FOXP2: variants seen among roughly 807,000 people sequenced by gnomAD.
FOXP2 encodes forkhead box P2, also known as forkhead box protein P2.
Under a neutral mutation model 115.8 loss-of-function variants are expected in FOXP2, and 12 were observed. The ratio of observed to expected loss-of-function variants is 0.10; its 90% CI spans 0.07 to 0.17. The LOEUF is 0.17. Among genes scored for constraint, FOXP2 ranks in the 10% least tolerant of loss-of-function variants. The probability of loss-of-function intolerance (pLI) is 1.00; values close to 1 mark genes in which losing one functional copy is unlikely to be tolerated. For missense variants in FOXP2, 629 were observed against 843.5 expected (o/e 0.75, Z 3.15); for synonymous variants, 328 against 297.7 (o/e 1.10, Z -1.05).
intron 1 of FOXP2, among the ~76,000 whole-genome samples, chr7:114,286,811 G>A (rs1028521046): frequency 2.6e-5 from 4 of 152,004 alleles, no homozygotes; most frequent in Non-Finnish European, 5.9e-5. Context: ...AAGTACCCAA[G>A]GAAAGGAGTA....
At chr7:114,170,917 T>C (rs1083154) in intron 1 of FOXP2, among the ~76,000 whole-genome samples, 131,412 of 152,278 alleles carry the variant, frequency 0.86, 57,132 homozygotes, top group Non-Finnish European at 0.92. Context: ...CTACATTAAA[T>C]AACAGATTTT....
chr7:114,627,815 G>T (rs1349472325), intron 3 of FOXP2, among the ~76,000 whole-genome samples: 1 of 152,008 alleles, frequency 6.6e-6, no homozygotes, highest in East Asian at 1.9e-4. Flanking sequence ...CCTATTATAA[G>T]CTCAGTTGCT....
At chr7:114,538,055 A>G (rs1238846150) in intron 3 of FOXP2, among the ~76,000 whole-genome samples, 2 of 151,652 alleles carry the variant, frequency 1.3e-5, no homozygotes, top group Non-Finnish European at 3.0e-5. Context: ...GTTCATAGTG[A>G]TCCATAATGA....
intron 3 of FOXP2, chr7:114,570,915 C>G (rs1563006523): frequency 6.3e-7 from 1 of 1,587,680 alleles, no homozygotes. Context: ...AATTCAGCTA[C>G]TAGGCACAAG....
At chr7:114,286,544 A>AT (rs1796471777) in intron 1 of FOXP2, among the ~76,000 whole-genome samples, 2 of 152,058 alleles carry the variant, frequency 1.3e-5, no homozygotes, top group African/African-American at 4.8e-5. Context: ...TTGGTGGCAT[A>AT]TATTAGGCAG....
chr7:114,490,825 G>C (rs968754602), intron 2 of FOXP2, among the ~76,000 whole-genome samples: 3 of 152,140 alleles, frequency 2.0e-5, no homozygotes, highest in Non-Finnish European at 4.4e-5. Context: ...TCCCTACAAA[G>C]GACATGAACT....
intron 2 of FOXP2, among the ~76,000 whole-genome samples, chr7:114,355,466 A>G (rs1301117174): frequency 6.6e-6 from 1 of 152,208 alleles, no homozygotes; most frequent in East Asian, 1.9e-4. Flanking sequence ...TCACTTAAAA[A>G]TAATGCACTT....
chr7:114,658,004 C>G, intron 10 of FOXP2, 62 bp from the exon 11 acceptor site: 1 of 1,589,264 alleles, frequency 6.3e-7, no homozygotes, highest in South Asian at 1.1e-5. Flanking sequence ...ATTTGTCAAA[C>G]CTTTTTAAGT....
At position 114,690,951 on chromosome 7, in the gene FOXP2, A is replaced by C; in HGVS notation, c.*1025A>C. 1 of 454,522 alleles carries C rather than the reference A, an allele frequency of 2.2e-6. No individual in the cohort carries two copies. Among genetic ancestry groups the C allele is most frequent in the Non-Finnish European group, 4.4e-6 (1 of 226,772 alleles). The allele number at this position is 454,522 out of a possible 1,614,324, so 28.2% of individuals were successfully genotyped here. The stretch of plus-strand genomic sequence containing the variant: ...AACCACAACTAAAAAATGTTAATTC[A>C]GTCACAGAGTAATCTTCTGAGGCCA... On this transcript the variant is annotated 3_prime_UTR_variant, in exon 17 of 17. Coordinates refer to ENST00000350908, the MANE Select transcript of FOXP2 (RefSeq NM_014491.4).
chr7:114,194,247 T>C (rs1793841640), intron 1 of FOXP2, among the ~76,000 whole-genome samples: 1 of 152,106 alleles, frequency 6.6e-6, no homozygotes, highest in African/African-American at 2.4e-5. Flanking sequence ...GTTATTCCTT[T>C]GTGATCACTG....
At chr7:114,443,865 T>TA (rs1706795335) in intron 2 of FOXP2, among the ~76,000 whole-genome samples, 1 of 152,190 alleles carries the variant, frequency 6.6e-6, no homozygotes, top group African/African-American at 2.4e-5. Flanking sequence ...CTATTCTGAA[T>TA]GGTGCTGAGA....
At chr7:114,660,693 G>A (rs1169227288) in intron 13 of FOXP2, among the ~76,000 whole-genome samples, 1 of 152,102 alleles carries the variant, frequency 6.6e-6, no homozygotes, top group African/African-American at 2.4e-5. Context: ...TGATGAAAAT[G>A]TCAGCAATAA....
intron 3 of FOXP2, among the ~76,000 whole-genome samples, chr7:114,552,114 C>T (rs187886040): frequency 6.6e-6 from 1 of 152,306 alleles, no homozygotes; most frequent in African/African-American, 2.4e-5. Flanking sequence ...GAGGGATCAT[C>T]AAGCCAGGCT....
intron 2 of FOXP2, among the ~76,000 whole-genome samples, chr7:114,361,570 G>C (rs1309180543): frequency 6.6e-6 from 1 of 151,936 alleles, no homozygotes; most frequent in Non-Finnish European, 1.5e-5. Flanking sequence ...GGGGCAAAAA[G>C]TTTTATGAGC....
rs1175739878 is a variant in FOXP2 at position 114,693,036 on chromosome 7, C to T, written c.*3110C>T. On this transcript the variant is annotated 3_prime_UTR_variant, in exon 17 of 17. Coordinates refer to ENST00000350908, the MANE Select transcript of FOXP2 (RefSeq NM_014491.4). Reference sequence around the variant, plus strand: ...TCTACCTCTAACACCAGGGAGTTATCAGATTTTATTTTACATAGTTTTAGT... The same window carrying T: ...TCTACCTCTAACACCAGGGAGTTATTAGATTTTATTTTACATAGTTTTAGT... 1 of 453,726 alleles carries T rather than the reference C, an allele frequency of 2.2e-6. No individual in the cohort carries two copies. Among genetic ancestry groups the T allele is most frequent in the Non-Finnish European group, 4.4e-6 (1 of 226,648 alleles). The allele number at this position is 453,726 out of a possible 1,614,324, so 28.1% of individuals were successfully genotyped here.
intron 3 of FOXP2, among the ~76,000 whole-genome samples, chr7:114,578,548 T>A (rs1214989176): frequency 6.6e-6 from 1 of 152,136 alleles, no homozygotes; most frequent in Non-Finnish European, 1.5e-5. Flanking sequence ...TCTTGACTCA[T>A]GGTTCATATG....
At chr7:114,382,093 T>C (rs1446229112) in intron 2 of FOXP2, among the ~76,000 whole-genome samples, 1 of 152,146 alleles carries the variant, frequency 6.6e-6, no homozygotes, top group East Asian at 1.9e-4. Context: ...GAAAAGCATG[T>C]GGAAGAGTAA....
In FOXP2 at chr7:114,691,621, C is replaced by T. The variant is rs1188543388; in HGVS notation, c.*1695C>T. 4.4e-6 allele frequency: 2 copies of T among 453,826 alleles called. No individual in the cohort carries two copies. The highest frequency in any genetic ancestry group is 4.0e-5 in the African/African-American group (2 of 49,962). The allele number at this position is 453,826 out of a possible 1,614,324, so 28.1% of individuals were successfully genotyped here. On this transcript the variant is annotated 3_prime_UTR_variant, in exon 17 of 17. Transcript: ENST00000350908. ...TAAAACCTAGAAACTTAACATGTTG[C>T]TTTTCATGTGCTGTGCCAAGTCTTG...
chr7:114,101,903 G>T lies in FOXP2; in HGVS notation c.-247+14065G>T, dbSNP rs1003819651. On this transcript the variant is annotated intron_variant, in intron 1 of 19. Transcript: ENST00000635638. Reference sequence around the variant, plus strand: ...TTTCCATTTCGCTTCAACATTTTGTGTGTGTGTGTGTGTGTGTGTGTGTGT... The same window carrying T: ...TTTCCATTTCGCTTCAACATTTTGTTTGTGTGTGTGTGTGTGTGTGTGTGT... Among the ~76,000 whole-genome samples, 502 of 114,674 alleles carry T rather than the reference G, an allele frequency of 4.4e-3. 5 individuals carry two copies. The highest frequency in any genetic ancestry group is 0.027 in the African/African-American group (475 of 17,460). The allele number at this position is 114,674 out of a possible 152,430, so 75.2% of individuals were successfully genotyped here. A position where few individuals can be genotyped will look rare whatever the true frequency, so the allele number is the denominator to read the frequency against.
Sources: gnomAD v4.1 joint callset for allele counts (sites outside exome capture counted in the v4.1 genomes callset) on GRCh38, gnomAD v4.1.1 for gene constraint, MANE v1.5 for transcripts, NCBI Gene and HGNC (gene_info 2026-07-23, HGNC 2026-07-21) for gene names.